Variants in MORC4 observed in about 807,000 individuals in gnomAD.
MORC4 encodes the protein MORC family CW-type zinc finger 4, also known as MORC family CW-type zinc finger protein 4.
Under a neutral mutation model 65.5 loss-of-function variants are expected in MORC4, and 22 were observed. The ratio of observed to expected loss-of-function variants is 0.34; its 90% CI spans 0.24 to 0.48. MORC4 has a LOEUF of 0.48. Among genes scored for constraint, MORC4 ranks in the 20% least tolerant of loss-of-function variants. The probability of loss-of-function intolerance (pLI) is 0.99; values close to 1 mark genes in which losing one functional copy is unlikely to be tolerated. For synonymous variants in MORC4, 267 were observed against 255.8 expected (o/e 1.04, Z -0.42); for missense variants, 624 against 703.0 (o/e 0.89, Z 1.27).
chrX:106,963,981 A>G, intron 9 of MORC4, among the ~76,000 whole-genome samples: 1 of 111,279 alleles, frequency 9.0e-6, no homozygotes, highest in Non-Finnish European at 1.9e-5. Context: ...TTACAACAAA[A>G]AGTCACAAGG....
chrX:106,949,846 T>TAG (rs1473134511), intron 14 of MORC4, among the ~76,000 whole-genome samples: 2 of 112,130 alleles, frequency 1.8e-5, no homozygotes, highest in Non-Finnish European at 3.8e-5. Flanking sequence ...ACTAATAGCT[T>TAG]AGATTTTCCC....
At chrX:106,945,414 T>TGTGTG (rs1933801045) in intron 14 of MORC4, among the ~76,000 whole-genome samples, 7 of 83,260 alleles carry the variant, frequency 8.4e-5, no homozygotes, top group South Asian at 7.8e-4. Flanking sequence ...ACTTACTACT[T>TGTGTG]TGTGTGTGTG....
At chrX:106,983,028 T>TAC (rs1399172011) in intron 5 of MORC4, among the ~76,000 whole-genome samples, 1 of 111,780 alleles carries the variant, frequency 8.9e-6, no homozygotes, top group African/African-American at 3.3e-5. Flanking sequence ...ATTTGCATTA[T>TAC]ACTTACTGGT....
chrX:106,981,301 C>A, intron 6 of MORC4, 44 bp downstream of exon 6: 1 of 1,128,658 alleles, frequency 8.9e-7, no homozygotes, highest in South Asian at 2.1e-5. Flanking sequence ...TTTCAGGTTA[C>A]AGGAAATCTT....
chrX:106,962,588 CTAATA>C (rs1374387024), intron 9 of MORC4, among the ~76,000 whole-genome samples: 1 of 111,549 alleles, frequency 9.0e-6, no homozygotes, highest in Non-Finnish European at 1.9e-5. Context: ...AATATTAACT[CTAATA>C]TGTCTATATA....
intron 2 of MORC4, among the ~76,000 whole-genome samples, chrX:106,995,223 C>T (rs963570081): frequency 2.8e-5 from 3 of 108,823 alleles, no homozygotes; most frequent in Admixed American, 9.9e-5. Flanking sequence ...CTCCTAACTA[C>T]TCTTATAAAT....
At chrX:106,958,293 T>C (rs1235307239) in intron 11 of MORC4, 43 bp downstream of exon 11, 1 of 1,146,779 alleles carries the variant, frequency 8.7e-7, no homozygotes, top group Non-Finnish European at 1.2e-6. Flanking sequence ...TAGAGATAAA[T>C]CAGGAGTTAC....
At chrX:106,949,758 T>C (rs1933930261) in intron 14 of MORC4, among the ~76,000 whole-genome samples, 1 of 112,479 alleles carries the variant, frequency 8.9e-6, no homozygotes, top group African/African-American at 3.2e-5. Flanking sequence ...TTTTTACCCT[T>C]TTCCATTGAG....
intron 8 of MORC4, among the ~76,000 whole-genome samples, chrX:106,977,208 C>T (rs1020084498): frequency 2.7e-5 from 3 of 111,414 alleles, no homozygotes; most frequent in Non-Finnish European, 1.9e-5. Flanking sequence ...TACAAGTTGA[C>T]GCAAGAGTTT....
intron 5 of MORC4, among the ~76,000 whole-genome samples, chrX:106,983,221 A>G (rs755519896): frequency 8.9e-6 from 1 of 112,257 alleles, no homozygotes; most frequent in Non-Finnish European, 1.9e-5. Context: ...AACGACATAC[A>G]AAGAAAAAGT....
chrX:106,943,538 A>G (rs1933751598), intron 14 of MORC4, among the ~76,000 whole-genome samples: 1 of 112,112 alleles, frequency 8.9e-6, no homozygotes, highest in Non-Finnish European at 1.9e-5. Flanking sequence ...GAAGACAAAG[A>G]AAAAACACAT....
At chrX:106,978,054 A>G in intron 8 of MORC4, 26 bp downstream of exon 8, 1 of 1,206,546 alleles carries the variant, frequency 8.3e-7, no homozygotes, top group Non-Finnish European at 1.1e-6. Context: ...TCAGCCTCCT[A>G]TGACAAAGAA....
At chrX:106,995,423 A>C (rs1457040225) in intron 2 of MORC4, among the ~76,000 whole-genome samples, 1 of 111,801 alleles carries the variant, frequency 8.9e-6, no homozygotes, top group African/African-American at 3.3e-5. Flanking sequence ...CAGTAAAAAG[A>C]CCTGTGTTTG....
chrX:106,999,718 C>A lies in MORC4; in HGVS notation c.134G>T (p.Ser45Ile). ...GGCACTGAAGGGTCGCGTGTGGCTG[C>A]TGGAGTTGCTCTGGAGGTAGCGGGG... ...MSPRYLQSNS[S>I]SHTRPFSAIA... is the part of the protein sequence containing the mutation. The change falls in exon 2 of 17, where the codon AGC (serine) becomes ATC (isoleucine). Residue 45 changes from serine (S) to isoleucine (I), a missense_variant. Transcript: ENST00000355610. 8.9e-7 allele frequency: 1 copy of A among 1,129,297 alleles called. No homozygotes were observed. Among genetic ancestry groups the A allele is most frequent in the East Asian group, 3.9e-5 (1 of 25,873 alleles). 93.1% of individuals were successfully genotyped at this position (1,129,297 alleles called of 1,213,427 possible).
Position 106,985,197 on chromosome X carries a change from G to A in MORC4, c.573C>T (p.Ile191=). ...TEDSLPSLEA[I]LNYSIFNREN... ...CACGGTTGAAAATGGAATAGTTCAAGATGGCTTCTAGGCTGGGCAATGAAT... is the reference window on the plus strand; with the variant it reads ...CACGGTTGAAAATGGAATAGTTCAAAATGGCTTCTAGGCTGGGCAATGAAT... The change falls in exon 5 of 17, where the codon ATC becomes ATT. Residue 191 remains isoleucine, a synonymous_variant. Coordinates refer to ENST00000355610, the MANE Select transcript of MORC4 (RefSeq NM_024657.5). 8.3e-7 allele frequency: 1 copy of A among 1,200,160 alleles called. No individual in the cohort carries two copies. Among genetic ancestry groups the A allele is most frequent in the Non-Finnish European group, 1.1e-6 (1 of 887,708 alleles).
chrX:106,976,525 G>C (rs1934628038), intron 9 of MORC4, 59 bp downstream of exon 9: 1 of 748,851 alleles, frequency 1.3e-6, no homozygotes, highest in South Asian at 2.4e-5. Flanking sequence ...AGAGGCTTTA[G>C]AGAACAGAAT....
intron 14 of MORC4, among the ~76,000 whole-genome samples, chrX:106,943,619 G>A (rs1310007868): frequency 8.9e-6 from 1 of 112,460 alleles, no homozygotes; most frequent in Non-Finnish European, 1.9e-5. Context: ...GCAGAGAACA[G>A]TGCCAACTCA....
At chrX:106,975,372 T>A (rs754329752) in intron 9 of MORC4, among the ~76,000 whole-genome samples, 1 of 111,299 alleles carries the variant, frequency 9.0e-6, no homozygotes, top group African/African-American at 3.3e-5. Context: ...TACATTTAAA[T>A]GACCATTTTA....
intron 5 of MORC4, among the ~76,000 whole-genome samples, chrX:106,983,727 A>G (rs868236531): frequency 3.2e-5 from 3 of 94,011 alleles, no homozygotes; most frequent in African/African-American, 1.1e-4. Context: ...TTTTTTTTTT[A>G]AAGAGACAGG....
Sources: gnomAD v4.1 joint callset for allele counts (sites outside exome capture counted in the v4.1 genomes callset) on GRCh38, gnomAD v4.1.1 for gene constraint, MANE v1.5 for transcripts, NCBI Gene and HGNC (gene_info 2026-07-23, HGNC 2026-07-21) for gene names.